RAPGEF1: variants seen among roughly 807,000 people sequenced by gnomAD.
The protein encoded by RAPGEF1 is CRK SH3-binding GNRP.
Under a neutral mutation model 143.3 loss-of-function variants are expected in RAPGEF1, and 33 were observed. The observed-to-expected ratio is 0.23, with a 90% CI of 0.17 to 0.31. The LOEUF (loss-of-function observed/expected upper bound fraction) is 0.31. Ranked by LOEUF, RAPGEF1 falls within the 10% of genes least tolerant of loss-of-function variation. The probability of loss-of-function intolerance (pLI) is 1.00; values close to 1 mark genes in which losing one functional copy is unlikely to be tolerated. For synonymous variants in RAPGEF1, 629 were observed against 676.5 expected (o/e 0.93, Z 1.09); for missense variants, 1,199 against 1,645.4 (o/e 0.73, Z 4.69).
intron 1 of RAPGEF1, among the ~76,000 whole-genome samples, chr9:131,681,773 G>A (rs1207790289): frequency 1.3e-5 from 2 of 152,146 alleles, no homozygotes; most frequent in Admixed American, 6.5e-5. Flanking sequence ...GCTTAGAGGA[G>A]TGTGCATTAG....
At chr9:131,738,709 A>G (rs1294628759) in intron 1 of RAPGEF1, among the ~76,000 whole-genome samples, 1 of 152,230 alleles carries the variant, frequency 6.6e-6, no homozygotes, top group African/African-American at 2.4e-5. Context: ...TTAGATATAT[A>G]GTAAACCCTC....
chr9:131,626,486 C>G, intron 9 of RAPGEF1, 64 bp from the exon 10 acceptor site: 1 of 1,481,164 alleles, frequency 6.8e-7, no homozygotes, highest in Non-Finnish European at 9.0e-7. Context: ...CAGCCAGCTC[C>G]CCCCGCCCGC....
intron 1 of RAPGEF1, among the ~76,000 whole-genome samples, chr9:131,710,366 C>G (rs918944627): frequency 2.6e-5 from 4 of 152,212 alleles, no homozygotes; most frequent in African/African-American, 4.8e-5. Flanking sequence ...ACCCCAAGCT[C>G]CAAACTCCCA....
At chr9:131,682,263 G>C (rs762021683) in intron 1 of RAPGEF1, among the ~76,000 whole-genome samples, 37 of 152,226 alleles carry the variant, frequency 2.4e-4, no homozygotes, top group Non-Finnish European at 4.9e-4. Context: ...GAAAACATTG[G>C]GCTAATCAGT....
chr9:131,613,464 TCTGACTGCAGAGG>T (rs1958369582), intron 12 of RAPGEF1, among the ~76,000 whole-genome samples: 1 of 152,136 alleles, frequency 6.6e-6, no homozygotes, highest in African/African-American at 2.4e-5. Context: ...AGGGAGGGCC[TCTGACTGCAGAGG>T]CAGGAAGGCC....
At chr9:131,581,071 G>A in intron 25 of RAPGEF1, among the ~76,000 whole-genome samples, 1 of 152,110 alleles carries the variant, frequency 6.6e-6, no homozygotes, top group Non-Finnish European at 1.5e-5. Context: ...GAACCTGGGA[G>A]GCGGAGGTTG....
chr9:131,645,224 G>A (rs1051753607), intron 3 of RAPGEF1, among the ~76,000 whole-genome samples: 1 of 152,220 alleles, frequency 6.6e-6, no homozygotes, highest in Admixed American at 6.5e-5. Flanking sequence ...ACAGACCTCA[G>A]ATGTGCCTAA....
At chr9:131,657,608 A>G (rs1972833102) in intron 1 of RAPGEF1, among the ~76,000 whole-genome samples, 1 of 152,140 alleles carries the variant, frequency 6.6e-6, no homozygotes, top group Non-Finnish European at 1.5e-5. Context: ...ACTGTCTAAC[A>G]CGACAGGCAC....
chr9:131,588,194 C>T (rs1439895163), intron 20 of RAPGEF1, among the ~76,000 whole-genome samples, 168 bp from the exon 21 acceptor site: 1 of 152,232 alleles, frequency 6.6e-6, no homozygotes, highest in Non-Finnish European at 1.5e-5. Flanking sequence ...CCCTAATGGC[C>T]TCCTGCCTCT....
chr9:131,714,802 G>C (rs535706127), intron 1 of RAPGEF1, among the ~76,000 whole-genome samples: 1 of 151,068 alleles, frequency 6.6e-6, no homozygotes, highest in East Asian at 2.0e-4. Flanking sequence ...CCAACTGCTG[G>C]GCTCAAGCAA....
At chr9:131,710,245 A>G (rs1835414186) in intron 1 of RAPGEF1, among the ~76,000 whole-genome samples, 1 of 152,178 alleles carries the variant, frequency 6.6e-6, no homozygotes, top group Non-Finnish European at 1.5e-5. Flanking sequence ...GATTTCACTA[A>G]TGCTGTGTTT....
intron 12 of RAPGEF1, among the ~76,000 whole-genome samples, chr9:131,605,762 TC>T (rs1261852717): frequency 1.1e-5 from 1 of 88,896 alleles, no homozygotes; most frequent in African/African-American, 4.9e-5. Context: ...TTTCTTTCTT[TC>T]TTTTTTTTTT....
chr9:131,682,065 T>C (rs1488167647), intron 1 of RAPGEF1, among the ~76,000 whole-genome samples: 1 of 152,168 alleles, frequency 6.6e-6, no homozygotes, highest in Admixed American at 6.5e-5. Flanking sequence ...ATAAAGCTAC[T>C]CTGCTAGCAC....
intron 26 of RAPGEF1, 39 bp from the exon 27 acceptor site, chr9:131,579,686 G>A (rs780320946): frequency 2.5e-6 from 4 of 1,606,378 alleles, no homozygotes; most frequent in East Asian, 2.2e-5. Flanking sequence ...GAGCACCTGT[G>A]TGGGCTGGAT....
At chr9:131,694,204 TCTGTAATTACAGGGCAAGGG>T (rs1318723956) in intron 1 of RAPGEF1, among the ~76,000 whole-genome samples, 1 of 152,192 alleles carries the variant, frequency 6.6e-6, no homozygotes, top group African/African-American at 2.4e-5. Flanking sequence ...TATTTACTAG[TCTGTAATTACAGGGCAAGGG>T]CTGGGGGCAG....
chr9:131,596,519 T>C (rs773982773), intron 16 of RAPGEF1, 146 bp from the exon 17 acceptor site: 3 of 821,594 alleles, frequency 3.7e-6, no homozygotes, highest in Non-Finnish European at 6.0e-6. Flanking sequence ...CCAGGAGCAG[T>C]GTGGCTGCGC....
chr9:131,606,991 C>T (rs954650373), intron 12 of RAPGEF1, among the ~76,000 whole-genome samples: 1 of 152,168 alleles, frequency 6.6e-6, no homozygotes, highest in African/African-American at 2.4e-5. Context: ...AGGGACAACG[C>T]AACCCTCTCG....
At chr9:131,629,601 GC>G (rs1015399763) in intron 6 of RAPGEF1, among the ~76,000 whole-genome samples, 22 of 152,066 alleles carry the variant, frequency 1.4e-4, no homozygotes, top group Non-Finnish European at 2.9e-4. Flanking sequence ...GACCAGCTTG[GC>G]CAAGATGGTG....
At position 131,579,608 on chromosome 9, in the gene RAPGEF1, G is replaced by T. The variant is rs1265625796; in HGVS notation, c.3681C>A (p.Phe1227Leu). The change falls in exon 27 of 27, where the codon TTC becomes TTA. Residue 1227 changes from phenylalanine (F) to leucine (L), a missense_variant. Phe to Leu is a conservative substitution (Grantham distance 22). Coordinates refer to ENST00000683357, the MANE Select transcript of RAPGEF1 (RefSeq NM_001377935.1). ...CCAGGTGGTCACTGAAGTCATTGAA[G>T]AAGTTTATAATGTCGTCGTTCCTCC... The part of the protein sequence containing the change: ...DMRRNDDIIN[F>L]FNDFSDHLAE... The T allele has an allele frequency of 6.2e-7, 1 of 1,614,044 alleles. No individual in the cohort carries two copies. Among genetic ancestry groups the T allele is most frequent in the South Asian group, 1.1e-5 (1 of 91,088 alleles).
Sources: gnomAD v4.1 joint callset for allele counts (sites outside exome capture counted in the v4.1 genomes callset) on GRCh38, gnomAD v4.1.1 for gene constraint, MANE v1.5 for transcripts, NCBI Gene and HGNC (gene_info 2026-07-23, HGNC 2026-07-21) for gene names.